FGF13: variants seen among roughly 807,000 people sequenced by gnomAD.
FGF13 encodes the protein fibroblast growth factor homologous factor 2.
FGF13 carries 2 observed loss-of-function variants against 19.5 expected under a neutral mutation model. That is an observed-to-expected ratio of 0.10 (90% CI 0.04 to 0.32). The LOEUF (loss-of-function observed/expected upper bound fraction) is 0.32, where lower values mean the gene tolerates loss of function less well. Ranked by LOEUF, FGF13 falls within the 10% of genes least tolerant of loss-of-function variation. FGF13 has a pLI of 1.00. For missense variants in FGF13, 113 were observed against 192.7 expected (o/e 0.59, Z 2.45); for synonymous variants, 72 against 76.9 (o/e 0.94, Z 0.33).
chrX:139,097,950 G>A (rs752898150), intron 1 of FGF13, among the ~76,000 whole-genome samples: 1 of 112,103 alleles, frequency 8.9e-6, no homozygotes, highest in Non-Finnish European at 1.9e-5. Context: ...CAAGCTATAT[G>A]GTAAATACAT....
At chrX:139,117,363 T>C (rs1020090800) in intron 1 of FGF13, among the ~76,000 whole-genome samples, 2 of 111,743 alleles carry the variant, frequency 1.8e-5, no homozygotes, top group Non-Finnish European at 3.8e-5. Flanking sequence ...TTAAGCTCTA[T>C]ACTTTATGGT....
intron 1 of FGF13, among the ~76,000 whole-genome samples, chrX:138,919,751 C>T: frequency 9.1e-6 from 1 of 109,843 alleles, no homozygotes. Flanking sequence ...TAGCACAGAA[C>T]AGTCTTCTGT....
chrX:138,951,512 G>T (rs1260212200), intron 1 of FGF13, among the ~76,000 whole-genome samples: 1 of 111,205 alleles, frequency 9.0e-6, no homozygotes. Context: ...ACCAGACAAA[G>T]AACTTATATT....
At chrX:139,203,917 C>A (rs935013263), upstream of FGF13, 3 of 578,053 alleles carry the variant, frequency 5.2e-6, no homozygotes, top group African/African-American at 2.3e-5. Flanking sequence ...CCTCTGCCCC[C>A]CCTTTTCTCC....
intron 1 of FGF13, among the ~76,000 whole-genome samples, chrX:139,052,530 T>G (rs2092305808): frequency 8.9e-6 from 1 of 112,301 alleles, no homozygotes; most frequent in African/African-American, 3.2e-5. Flanking sequence ...TTGAAACTCT[T>G]ACAAAATTGC....
intron 3 of FGF13, among the ~76,000 whole-genome samples, chrX:138,842,632 G>T (rs533502593): frequency 9.0e-6 from 1 of 111,078 alleles, no homozygotes. Flanking sequence ...ACACAGCCCA[G>T]TGGTTCTTAA....
At chrX:139,049,058 G>A (rs1213627693) in intron 1 of FGF13, among the ~76,000 whole-genome samples, 1 of 110,973 alleles carries the variant, frequency 9.0e-6, no homozygotes, top group South Asian at 3.8e-4. Context: ...AATGCACTTC[G>A]ACGTGTTTAA....
intron 3 of FGF13, 111 bp from the exon 4 acceptor site, chrX:138,635,766 G>C: frequency 1.9e-6 from 1 of 527,625 alleles, no homozygotes; most frequent in East Asian, 3.6e-5. Flanking sequence ...AAAAGCTCGT[G>C]TGACTGGTGC....
intron 3 of FGF13, among the ~76,000 whole-genome samples, chrX:138,801,542 C>T (rs1437284942): frequency 3.6e-5 from 4 of 111,786 alleles, no homozygotes; most frequent in Non-Finnish European, 5.7e-5. Flanking sequence ...AGGTGTCTCC[C>T]AGTCAGGAGG....
intron 3 of FGF13, among the ~76,000 whole-genome samples, chrX:138,827,503 G>A (rs932016186): frequency 8.9e-6 from 1 of 111,909 alleles, no homozygotes; most frequent in African/African-American, 3.3e-5. Context: ...ACTTTCCTAG[G>A]TGAGTATTTC....
At chrX:138,717,621 T>C (rs2090117889) in intron 1 of FGF13, among the ~76,000 whole-genome samples, 1 of 110,801 alleles carries the variant, frequency 9.0e-6, no homozygotes, top group Non-Finnish European at 1.9e-5. Flanking sequence ...TGTTGTTGGT[T>C]TGTTTTGTTT....
intron 1 of FGF13, among the ~76,000 whole-genome samples, chrX:139,116,052 T>A (rs1321573099): frequency 8.9e-6 from 1 of 112,117 alleles, no homozygotes; most frequent in African/African-American, 3.2e-5. Flanking sequence ...TTCAACAAAT[T>A]TTATTGAGCA....
intron 3 of FGF13, among the ~76,000 whole-genome samples, chrX:138,759,511 G>A (rs2090452129): frequency 8.9e-6 from 1 of 112,235 alleles, no homozygotes; most frequent in South Asian, 3.7e-4. Context: ...AATATGTGGA[G>A]CAGCTACAAA....
At chrX:138,647,963 G>C (rs1170295472) in intron 3 of FGF13, among the ~76,000 whole-genome samples, 1 of 112,191 alleles carries the variant, frequency 8.9e-6, no homozygotes, top group Non-Finnish European at 1.9e-5. Flanking sequence ...ATATAGCATA[G>C]AAGTGGTTTC....
chrX:138,968,720 A>G lies in FGF13; in HGVS notation c.-112-104070T>C, dbSNP rs182011147. On this transcript the variant is annotated intron_variant, in intron 1 of 2. Coordinates refer to the FGF13 transcript ENST00000421460. Reference sequence around the variant, plus strand: ...AGAGAAAAGATGAAAGCAGGCTGAAATCTCTCTTAGATGTCATACTTGCAA... The same window carrying G: ...AGAGAAAAGATGAAAGCAGGCTGAAGTCTCTCTTAGATGTCATACTTGCAA... 2.6e-3 allele frequency among the ~76,000 whole-genome samples: 292 copies of G among 112,451 alleles called. 2 individuals are homozygous for G. Among genetic ancestry groups the G allele is most frequent in the African/African-American group, 8.9e-3 (275 of 31,002 alleles).
chrX:139,087,532 G>A (rs112829057), intron 1 of FGF13, among the ~76,000 whole-genome samples: 8 of 111,236 alleles, frequency 7.2e-5, no homozygotes, highest in African/African-American at 2.6e-4. Context: ...AATTTGCTTT[G>A]TGAACCCAAA....
chrX:138,855,462 A>G (rs1029688346), downstream of FGF13, among the ~76,000 whole-genome samples: 8 of 111,933 alleles, frequency 7.1e-5, no homozygotes, highest in African/African-American at 2.6e-4. Context: ...CAAATCATTC[A>G]TAAGAATAAA....
intron 3 of FGF13, among the ~76,000 whole-genome samples, chrX:138,677,884 G>A (rs986168420): frequency 1.1e-4 from 12 of 111,717 alleles, no homozygotes; most frequent in African/African-American, 1.6e-4. Context: ...GCACACGTAC[G>A]TTTATTGCGG....
intron 1 of FGF13, among the ~76,000 whole-genome samples, chrX:138,981,976 A>G (rs1055603379): frequency 9.0e-6 from 1 of 111,494 alleles, no homozygotes; most frequent in Non-Finnish European, 1.9e-5. Context: ...GAAGAGTCAG[A>G]AAGGGTGTGT....
Sources: allele counts gnomAD v4.1 joint callset (sites outside exome capture counted in the v4.1 genomes callset), GRCh38; gene constraint gnomAD v4.1.1; transcripts MANE v1.5; gene names NCBI Gene and HGNC (gene_info 2026-07-23, HGNC 2026-07-21).